NLK: variants seen among roughly 807,000 people sequenced by gnomAD.
The protein encoded by NLK is serine/threonine-protein kinase NLK.
NLK carries 11 observed loss-of-function variants against 59.0 expected under a neutral mutation model. The observed-to-expected ratio is 0.19, with a 90% CI of 0.12 to 0.31. NLK has a LOEUF of 0.31. Ranked by LOEUF, NLK falls within the 10% of genes least tolerant of loss-of-function variation. NLK has a pLI of 1.00. For missense variants in NLK, 410 were observed against 661.1 expected (o/e 0.62, Z 4.16); for synonymous variants, 235 against 235.9 (o/e 1.00, Z 0.03).
At chr17:28,116,785 A>G (rs1016438508) in intron 1 of NLK, among the ~76,000 whole-genome samples, 3 of 152,200 alleles carry the variant, frequency 2.0e-5, no homozygotes, top group Admixed American at 1.3e-4. Flanking sequence ...CAATGTTCCT[A>G]TTACTGAACA....
intron 1 of NLK, among the ~76,000 whole-genome samples, chr17:28,118,066 A>G (rs1391597013): frequency 2.0e-5 from 3 of 152,216 alleles, no homozygotes; most frequent in Non-Finnish European, 4.4e-5. Context: ...CAAATAGGAT[A>G]CATTTCCTAG....
Position 28,043,072 on chromosome 17 carries a change from C to G in NLK, c.199C>G (p.His67Asp). The G allele has an allele frequency of 1.9e-6, 3 of 1,568,498 alleles. No homozygotes were observed. Among genetic ancestry groups the G allele is most frequent in the Non-Finnish European group, 2.6e-6 (3 of 1,156,062 alleles). Reference sequence around the variant, plus strand: ...TGCCGCTGTACACCCTGTACAGCAGCACACCTCTTCGGCAGCTGCGGCAGC... The same window carrying G: ...TGCCGCTGTACACCCTGTACAGCAGGACACCTCTTCGGCAGCTGCGGCAGC... ...SAAAVHPVQQ[H>D]TSSAAAAAAA... The change falls in exon 1 of 11, where the codon CAC becomes GAC. Residue 67 changes from histidine to aspartate, a missense_variant. Around this residue, in one of 5 missense-constraint regions of NLK, gnomAD observed 160 missense variants for 171.0 expected, o/e 0.94. Transcript: ENST00000407008.
At chr17:28,172,400 G>A in intron 6 of NLK, 117 bp from the exon 7 acceptor site, 1 of 460,422 alleles carries the variant, frequency 2.2e-6, no homozygotes, top group Non-Finnish European at 3.6e-6. Flanking sequence ...TTAATCTAGA[G>A]CTTGTCTTAA....
intron 1 of NLK, among the ~76,000 whole-genome samples, chr17:28,085,261 A>G (rs1910473262): frequency 6.6e-6 from 1 of 152,210 alleles, no homozygotes; most frequent in Non-Finnish European, 1.5e-5. Context: ...TAAAGTTTAC[A>G]TCAACCAGCA....
At chr17:28,135,372 C>G (rs1230836134) in intron 3 of NLK, among the ~76,000 whole-genome samples, 3 of 152,210 alleles carry the variant, frequency 2.0e-5, no homozygotes, top group South Asian at 2.1e-4. Flanking sequence ...GTGACCTTAG[C>G]TGCCGAGTCT....
chr17:28,084,600 G>C (rs905659553), intron 1 of NLK, among the ~76,000 whole-genome samples: 65 of 151,368 alleles, frequency 4.3e-4, no homozygotes, highest in Admixed American at 4.3e-3. Context: ...GTCTTGCTCT[G>C]TCACCCAGGC....
intron 1 of NLK, among the ~76,000 whole-genome samples, chr17:28,075,741 G>A (rs982930152): frequency 6.6e-6 from 1 of 152,096 alleles, no homozygotes; most frequent in African/African-American, 2.4e-5. Flanking sequence ...TTTGGGTACA[G>A]ACCACTTTCT....
chr17:28,044,361 CCCGGTAAATATCT>C (rs1454421137), intron 1 of NLK, among the ~76,000 whole-genome samples: 1 of 152,106 alleles, frequency 6.6e-6, no homozygotes, highest in Non-Finnish European at 1.5e-5. Context: ...TTGGAACTAG[CCCGGTAAATATCT>C]CCTTTCGTCA....
chr17:28,057,888 T>C (rs1044720305), intron 1 of NLK, among the ~76,000 whole-genome samples: 1 of 152,170 alleles, frequency 6.6e-6, no homozygotes, highest in Admixed American at 6.5e-5. Context: ...GATTTTTAAA[T>C]CTAAAATATG....
chr17:28,136,950 CAAAA>C (rs67290939), intron 3 of NLK, among the ~76,000 whole-genome samples: 11 of 80,652 alleles, frequency 1.4e-4, no homozygotes, highest in Admixed American at 1.4e-4. Context: ...GTAGCCAAAG[CAAAA>C]AAAAAAAAAA....
chr17:28,201,440 G>A, the NLK span, among the ~76,000 whole-genome samples: 147 of 145,964 alleles, frequency 1.0e-3, 2 homozygotes, highest in South Asian at 0.026. Context: ...ACAGCTTCTC[G>A]GGAGGCTGAG....
chr17:28,190,372 C>T (rs1051137185), intron 8 of NLK, among the ~76,000 whole-genome samples: 5 of 152,228 alleles, frequency 3.3e-5, no homozygotes, highest in African/African-American at 1.2e-4. Flanking sequence ...GCAGTCCCAG[C>T]ACTTCAGGAG....
chr17:28,162,750 T>A (rs534875809), intron 4 of NLK, among the ~76,000 whole-genome samples: 2 of 152,164 alleles, frequency 1.3e-5, no homozygotes, highest in South Asian at 2.1e-4. Flanking sequence ...CTACATTTTA[T>A]CCAAAAAAGA....
intron 1 of NLK, among the ~76,000 whole-genome samples, chr17:28,066,245 C>T (rs1179514101): frequency 6.6e-6 from 1 of 152,192 alleles, no homozygotes; most frequent in Admixed American, 6.5e-5. Flanking sequence ...TCTTTCCCTT[C>T]GCAGCCAAGG....
chr17:28,144,264 T>TCC (rs1907141030), intron 3 of NLK, among the ~76,000 whole-genome samples: 1 of 152,138 alleles, frequency 6.6e-6, no homozygotes, highest in African/African-American at 2.4e-5. Flanking sequence ...AATCCTGAGA[T>TCC]TGTTTTAAAG....
chr17:28,049,301 G>A (rs969080834), intron 1 of NLK, among the ~76,000 whole-genome samples: 2 of 152,160 alleles, frequency 1.3e-5, no homozygotes, highest in East Asian at 1.9e-4. Context: ...ATAATGATTG[G>A]TGCTCTTTAC....
At chr17:28,098,675 CTTTTTTTTTTTTTT>C (rs781294029) in intron 1 of NLK, among the ~76,000 whole-genome samples, 1 of 67,566 alleles carries the variant, frequency 1.5e-5, no homozygotes, top group Non-Finnish European at 2.9e-5. Context: ...CATTACCATT[CTTTTTTTTTTTTTT>C]TTTTTTTTTT....
chr17:28,194,653 A>G lies in NLK; in HGVS notation c.*17A>G, dbSNP rs1171337335. On this transcript the variant is annotated 3_prime_UTR_variant, in exon 11 of 11. Coordinates refer to ENST00000407008, the MANE Select transcript of NLK (RefSeq NM_016231.5). The stretch of plus-strand genomic sequence containing the variant: ...TGGGAGTGATGGTGGAAGATAATGT[A>G]CTACTGAAGATGTAATGTAGCTTTC... The G allele has an allele frequency of 3.2e-6, 5 of 1,564,470 alleles. No individual in the cohort carries two copies. The highest frequency in any genetic ancestry group is 3.5e-6 in the Non-Finnish European group (4 of 1,140,818).
chr17:28,110,974 A>T (rs1202638353), intron 1 of NLK, among the ~76,000 whole-genome samples: 1 of 149,430 alleles, frequency 6.7e-6, no homozygotes, highest in African/African-American at 2.5e-5. Context: ...CCTCCCAAGT[A>T]GCTGGGACTA....
Sources: allele counts gnomAD v4.1 joint callset (sites outside exome capture counted in the v4.1 genomes callset), GRCh38; gene constraint gnomAD v4.1.1; regional missense constraint gnomAD v4.1.1; transcripts MANE v1.5; gene names NCBI Gene and HGNC (gene_info 2026-07-23, HGNC 2026-07-21).